Variants in ABCB7 observed in about 807,000 individuals in gnomAD.
ABCB7 encodes the protein ATP binding cassette subfamily B member 7, also known as iron-sulfur clusters transporter ABCB7, mitochondrial.
Under a neutral mutation model 54.4 loss-of-function variants are expected in ABCB7, and 7 were observed. The observed-to-expected ratio is 0.13, with a 90% CI of 0.07 to 0.24. The LOEUF is 0.24. ABCB7 is among the 10% of genes least tolerant of loss of function. The pLI is 1.00. For synonymous variants in ABCB7, 218 were observed against 207.1 expected, an observed-to-expected ratio of 1.05 and a Z score of -0.45; for missense variants, 356 against 570.4, an observed-to-expected ratio of 0.62 and a Z score of 3.83.
At chrX:75,137,608 A>G (rs1487345623) in intron 1 of ABCB7, among the ~76,000 whole-genome samples, 1 of 112,294 alleles carries the variant, frequency 8.9e-6, no homozygotes, top group African/African-American at 3.2e-5. Context: ...TATTCACAAT[A>G]GCAAAGATAT....
intron 4 of ABCB7, among the ~76,000 whole-genome samples, chrX:75,096,754 G>T (rs969970977): frequency 9.1e-6 from 1 of 109,389 alleles, no homozygotes; most frequent in African/African-American, 3.3e-5. Flanking sequence ...TTTGTTAAAG[G>T]CATTCTTATT....
rs190765710 is a variant in ABCB7, at chrX:75,059,508, T to C, written c.2043+715A>G. 2.7e-5 allele frequency among the ~76,000 whole-genome samples: 3 copies of C among 109,524 alleles called. No individual in the cohort carries two copies. In the East Asian group the frequency reaches 8.6e-4, roughly 31 times the overall value. ...AACCAAAATGATAAAGAATTGAAGA[T>C]ATATTTATTAGAAGGGAAAAATAAT... On this transcript the variant is annotated intron_variant, in intron 15 of 15. Transcript: ENST00000373394.
At chrX:75,150,642 T>C (rs1442939588) in intron 1 of ABCB7, among the ~76,000 whole-genome samples, 5 of 111,443 alleles carry the variant, frequency 4.5e-5, no homozygotes, top group Non-Finnish European at 7.5e-5. Context: ...TTAGATGTGG[T>C]TTTGTATAAT....
chrX:75,138,227 C>CAT (rs1337926929), intron 1 of ABCB7, among the ~76,000 whole-genome samples: 47 of 7,121 alleles, frequency 6.6e-3, no homozygotes, highest in African/African-American at 7.3e-3. Flanking sequence ...CCCTCATACA[C>CAT]ACACACACAC....
chrX:75,143,533 T>G (rs1322594489), intron 1 of ABCB7, among the ~76,000 whole-genome samples: 1 of 111,649 alleles, frequency 9.0e-6, no homozygotes, highest in Non-Finnish European at 1.9e-5. Flanking sequence ...TTCAGTTATC[T>G]TTTCAGCAGT....
intron 15 of ABCB7, among the ~76,000 whole-genome samples, chrX:75,058,400 G>A (rs187005572): frequency 3.6e-5 from 4 of 111,365 alleles, no homozygotes; most frequent in Admixed American, 9.6e-5. Flanking sequence ...TTTTAGTATG[G>A]TTAGGGGAAG....
chrX:75,095,266 C>T (rs911539787), intron 4 of ABCB7, among the ~76,000 whole-genome samples: 1 of 111,565 alleles, frequency 9.0e-6, no homozygotes, highest in Non-Finnish European at 1.9e-5. Context: ...TTCTTGAACA[C>T]TGCACTAAAA....
In ABCB7 at chrX:75,071,566, T is replaced by C. The variant is rs780346552; in HGVS notation, c.1150A>G (p.Ile384Val). The change falls in exon 9 of 16, where the codon ATT (isoleucine) becomes GTT (valine). Residue 384 changes from isoleucine to valine, a missense_variant. Ile to Val is a conservative substitution (Grantham distance 29). This residue lies in a region of ABCB7 where 241 missense variants were observed against 470.9 expected (regional missense o/e 0.51). Transcript: ENST00000373394. ...ATAGCTGTTAAACCGACACTGAAAA[T>C]AGCACTTTGACCAAAGTTCAGCATA... is the stretch of plus-strand genomic sequence containing the variant. The part of the protein sequence containing the change: ...LAMLNFGQSA[I>V]FSVGLTAIMV... 8.3e-7 allele frequency: 1 copy of C among 1,211,188 alleles called. No individual in the cohort carries two copies. The highest frequency in any genetic ancestry group is 2.2e-5 in the Admixed American group (1 of 45,965).
At chrX:75,083,953 T>C (rs373233173) in intron 4 of ABCB7, among the ~76,000 whole-genome samples, 20 of 111,311 alleles carry the variant, frequency 1.8e-4, no homozygotes, top group Admixed American at 1.5e-3. Context: ...ATGTTCTTTA[T>C]CCTTGATTTT....
At chrX:75,131,862 C>T (rs1208104594) in intron 1 of ABCB7, among the ~76,000 whole-genome samples, 1 of 111,645 alleles carries the variant, frequency 9.0e-6, no homozygotes, top group African/African-American at 3.3e-5. Flanking sequence ...GAAGAAATCC[C>T]AGAGTCAACC....
At chrX:75,153,773 T>TATATATATAA (rs1315348493) in intron 1 of ABCB7, among the ~76,000 whole-genome samples, 34 of 91,330 alleles carry the variant, frequency 3.7e-4, no homozygotes, top group East Asian at 1.4e-3. Context: ...TATATATATA[T>TATATATATAA]AAAATATATA....
At chrX:75,068,070 T>C (rs1025170480) in intron 12 of ABCB7, among the ~76,000 whole-genome samples, 1 of 111,682 alleles carries the variant, frequency 9.0e-6, no homozygotes, top group African/African-American at 3.3e-5. Context: ...CAAATTAACA[T>C]ATCCATCATC....
chrX:75,121,895 T>G (rs942872577), intron 1 of ABCB7, among the ~76,000 whole-genome samples: 1 of 111,739 alleles, frequency 8.9e-6, no homozygotes, highest in Non-Finnish European at 1.9e-5. Flanking sequence ...AGCTCCTCTC[T>G]ACCCTGAATA....
At chrX:75,130,425 A>G (rs1012301551) in intron 1 of ABCB7, among the ~76,000 whole-genome samples, 57 of 112,714 alleles carry the variant, frequency 5.1e-4, no homozygotes, top group African/African-American at 1.8e-3. Flanking sequence ...CTAAATAAGT[A>G]TCAGAAGAGA....
At chrX:75,122,752 G>A (rs1036189882) in intron 1 of ABCB7, among the ~76,000 whole-genome samples, 1 of 111,016 alleles carries the variant, frequency 9.0e-6, no homozygotes, top group African/African-American at 3.3e-5. Context: ...ATTTTGATTT[G>A]CATTTCCCTG....
At chrX:75,085,487 G>C (rs768320731) in intron 4 of ABCB7, among the ~76,000 whole-genome samples, 15 of 111,280 alleles carry the variant, frequency 1.3e-4, no homozygotes, top group Non-Finnish European at 2.6e-4. Flanking sequence ...GAGATTTTTG[G>C]GGTGATAGCA....
intron 4 of ABCB7, among the ~76,000 whole-genome samples, chrX:75,098,015 G>A (rs957204960): frequency 1.8e-5 from 2 of 111,486 alleles, no homozygotes; most frequent in Non-Finnish European, 3.8e-5. Context: ...TTTAAAATCT[G>A]AGTAAATTGG....
chrX:75,115,973 C>T (rs188070112), intron 1 of ABCB7, among the ~76,000 whole-genome samples: 128 of 111,545 alleles, frequency 1.1e-3, no homozygotes, highest in Non-Finnish European at 3.4e-4. Context: ...TTAACAGGCC[C>T]TGAAGGAAAT....
intron 13 of ABCB7, among the ~76,000 whole-genome samples, chrX:75,064,619 G>T (rs1037050032): frequency 1.8e-5 from 2 of 111,296 alleles, no homozygotes; most frequent in African/African-American, 6.5e-5. Flanking sequence ...GCAGTTAACA[G>T]GATCAAATAT....
Sources: gnomAD v4.1 joint callset for allele counts (sites outside exome capture counted in the v4.1 genomes callset) on GRCh38, gnomAD v4.1.1 for gene constraint, gnomAD v4.1.1 regional missense constraint, MANE v1.5 for transcripts, NCBI Gene and HGNC (gene_info 2026-07-23, HGNC 2026-07-21) for gene names.